Variants in CCZ1B observed in about 807,000 individuals in gnomAD.
The protein encoded by CCZ1B is CCZ1B vacuolar protein trafficking and biogenesis associated, also known as vacuolar fusion protein CCZ1 homolog B.
CCZ1B carries 25 observed loss-of-function variants against 58.8 expected under a neutral mutation model. The ratio of observed to expected loss-of-function variants is 0.43; its 90% CI spans 0.31 to 0.59. The LOEUF is 0.59. Ranked by LOEUF, CCZ1B falls within the 20% of genes least tolerant of loss-of-function variation. The probability of loss-of-function intolerance (pLI) is 0.12; values close to 1 mark genes in which losing one functional copy is unlikely to be tolerated. For missense variants in CCZ1B, 180 were observed against 501.5 expected (o/e 0.36, Z 6.12); for synonymous variants, 66 against 173.2 (o/e 0.38, Z 4.86).
rs1452445228 is a variant in CCZ1B at position 6,819,976 on chromosome 7, T to C, written c.523-35A>G. ...AAAAATAAGGCATAAAATTTACTAA[T>C]AGTACACTGAATATAATGCTCCTTG... On this transcript the variant is annotated intron_variant, in intron 6 of 14. Coordinates refer to ENST00000316731, the MANE Select transcript of CCZ1B (RefSeq NM_198097.5). 12 of 1,582,090 alleles carry C rather than the reference T, an allele frequency of 7.6e-6. 1 individual carries two copies. Among genetic ancestry groups the C allele is most frequent in the South Asian group, 5.6e-5 (5 of 89,604 alleles).
intron 4 of CCZ1B, 131 bp from the exon 5 acceptor site, chr7:6,823,491 G>A (rs1289927501): frequency 1.7e-5 from 21 of 1,268,700 alleles, no homozygotes; most frequent in Middle Eastern, 2.2e-4. Context: ...CAATAGTTGC[G>A]TGCTGAAAAA....
chr7:6,814,880 C>G (rs74889116), intron 7 of CCZ1B, 35 bp from the exon 8 acceptor site: 216,805 of 1,305,856 alleles, frequency 0.17, 24,934 homozygotes, highest in South Asian at 0.35. Flanking sequence ...TTAAACGTTT[C>G]GAACTGTCTT....
At chr7:6,809,416 AC>A (rs1782885559) in intron 10 of CCZ1B, among the ~76,000 whole-genome samples, 1 of 144,380 alleles carries the variant, frequency 6.9e-6, no homozygotes, top group South Asian at 2.2e-4. Context: ...CCATCATCAC[AC>A]CCCACAATAT....
chr7:6,821,111 C>T (rs1038678898), intron 6 of CCZ1B, among the ~76,000 whole-genome samples: 2 of 148,228 alleles, frequency 1.3e-5, no homozygotes, highest in Admixed American at 6.7e-5. Flanking sequence ...GGGGTTCAAG[C>T]GATTCTCCTG....
chr7:6,809,549 T>C lies in CCZ1B; in HGVS notation c.954+2403A>G, dbSNP rs536678086. Among the ~76,000 whole-genome samples the C allele has an allele frequency of 9.7e-3, 1,357 of 140,130 alleles. 59 individuals carry two copies. Among genetic ancestry groups the C allele is most frequent in the African/African-American group, 0.037 (1,280 of 34,224 alleles). The allele number at this position is 140,130 out of a possible 152,430, so 91.9% of individuals were successfully genotyped here. On this transcript the variant is annotated intron_variant, in intron 10 of 14. Transcript: ENST00000316731. ...GGATGATTTTTTTCTTGAGATGGGG[T>C]CTCAAACTTTCACTCGATACACAAA...
At position 6,813,123 on chromosome 7, in the gene CCZ1B, G is replaced by T. The variant is rs1782944382; in HGVS notation, c.781-86C>A. On this transcript the variant is annotated intron_variant, in intron 8 of 14. Transcript: ENST00000316731. ...TGAAAAACAGCATTATCTACTAATT[G>T]GTTCCATGCCATTTGTCTTTTTCTT... The T allele has an allele frequency of 1.6e-5, 16 of 1,025,580 alleles. 1 individual carries two copies. The highest frequency in any genetic ancestry group is 6.9e-5 in the African/African-American group (4 of 57,778). 63.5% of individuals were successfully genotyped at this position (1,025,580 alleles called of 1,614,324 possible).
rs369107255 is a variant in CCZ1B, at chr7:6,824,147, A to G, written c.332T>C (p.Ile111Thr). 4.7e-6 allele frequency: 7 copies of G among 1,476,292 alleles called. No individual in the cohort carries two copies. The African/African-American group carries it at 6.0e-5, about 13-fold the overall frequency. The allele number at this position is 1,476,292 out of a possible 1,614,324, so 91.4% of individuals were successfully genotyped here. A position where few individuals can be genotyped will look rare whatever the true frequency, so the allele number is the denominator to read the frequency against. Residue 111 changes from isoleucine (I) to threonine (T), a missense_variant, in exon 4 of 15, where the codon ATT (isoleucine) becomes ACT (threonine). Coordinates refer to ENST00000316731, the MANE Select transcript of CCZ1B (RefSeq NM_198097.5). ...WMVMVVRNPI[I>T]EKQSKDGKPV... ...TTTTCCATCTTTACTCTGTTTTTCA[A>G]TTATAGGATTCCGAACAACCTACAA...
At chr7:6,825,127 G>A (rs1232095303) in intron 1 of CCZ1B, among the ~76,000 whole-genome samples, 2 of 150,296 alleles carry the variant, frequency 1.3e-5, no homozygotes, top group African/African-American at 2.5e-5. Flanking sequence ...CTTTCCTAGT[G>A]CTAATTTGTA....
intron 4 of CCZ1B, 43 bp from the exon 5 acceptor site, chr7:6,823,403 A>G: frequency 6.2e-7 from 1 of 1,604,350 alleles, no homozygotes; most frequent in Non-Finnish European, 8.5e-7. Context: ...TTCAAGGGAA[A>G]AACAATGTCT....
rs1050191953 is a variant in CCZ1B, at chr7:6,823,487, T to C, written c.391-127A>G. Reference sequence around the variant, plus strand: ...GTTTATAAACTTCATCCCACAATAGTTGCGTGCTGAAAAAAAGTGTTTGCG... The same window carrying C: ...GTTTATAAACTTCATCCCACAATAGCTGCGTGCTGAAAAAAAGTGTTTGCG... On this transcript the variant is annotated intron_variant, in intron 4 of 14. Transcript: ENST00000316731. 19 of 1,351,324 alleles carry C rather than the reference T, an allele frequency of 1.4e-5. No homozygotes were observed. In the Admixed American group the frequency reaches 3.3e-4, roughly 24 times the overall value. The allele number at this position is 1,351,324 out of a possible 1,614,324, so 83.7% of individuals were successfully genotyped here. A position where few individuals can be genotyped will look rare whatever the true frequency, so the allele number is the denominator to read the frequency against.
intron 14 of CCZ1B, 174 bp from the exon 15 acceptor site, chr7:6,799,453 A>T: frequency 3.8e-6 from 1 of 262,804 alleles, no homozygotes; most frequent in African/African-American, 5.2e-5. Context: ...TTTGAGACAG[A>T]GTCTTGCTCT....
intron 8 of CCZ1B, 63 bp from the exon 9 acceptor site, chr7:6,813,100 A>G (rs1212294447): frequency 5.2e-6 from 6 of 1,150,774 alleles, no homozygotes; most frequent in Non-Finnish European, 7.4e-6. Context: ...CCAAGCTTTG[A>G]AAAACAGCAT....
intron 6 of CCZ1B, among the ~76,000 whole-genome samples, chr7:6,820,520 T>C (rs1232231984): frequency 6.7e-6 from 1 of 148,638 alleles, no homozygotes; most frequent in Non-Finnish European, 1.5e-5. Context: ...TCTTGCTATG[T>C]TGCCTAGGCT....
At chr7:6,816,786 T>G (rs1214165259) in intron 7 of CCZ1B, among the ~76,000 whole-genome samples, 1 of 151,774 alleles carries the variant, frequency 6.6e-6, no homozygotes, top group Non-Finnish European at 1.5e-5. Flanking sequence ...AGGGTCTTGC[T>G]CTGTCACCCA....
At chr7:6,821,875 A>G (rs2528318) in intron 6 of CCZ1B, among the ~76,000 whole-genome samples, 1,974 of 144,352 alleles carry the variant, frequency 0.014, 219 homozygotes, top group African/African-American at 0.047. Context: ...ACATCAAGAC[A>G]GTTTACGCCC....
intron 7 of CCZ1B, among the ~76,000 whole-genome samples, chr7:6,816,012 GGAA>G (rs1247723569): frequency 4.1e-5 from 6 of 144,770 alleles, no homozygotes; most frequent in South Asian, 2.3e-4. Flanking sequence ...AGAAAGAGGA[GGAA>G]GAGAAAAACA....
intron 4 of CCZ1B, among the ~76,000 whole-genome samples, 156 bp from the exon 5 acceptor site, chr7:6,823,516 T>TA: frequency 1.6e-5 from 1 of 61,406 alleles, no homozygotes; most frequent in South Asian, 8.0e-4. Context: ...GTTTGCGTTC[T>TA]TTTTTTTTTT....
At position 6,813,183 on chromosome 7, in the gene CCZ1B, G is replaced by C. The variant is rs1782945106; in HGVS notation, c.781-146C>G. 4 of 1,483,294 alleles carry C rather than the reference G, an allele frequency of 2.7e-6. No individual in the cohort carries two copies. The Admixed American group carries it at 5.9e-5, about 22-fold the overall frequency. The allele number at this position is 1,483,294 out of a possible 1,614,324, so 91.9% of individuals were successfully genotyped here. A position where few individuals can be genotyped will look rare whatever the true frequency, so the allele number is the denominator to read the frequency against. ...GGATCTTGTTCTGTTGCCCAGGCTG[G>C]AATGCATGCAGCATGATCATGGCTC... On this transcript the variant is annotated intron_variant, in intron 8 of 14. Coordinates refer to ENST00000316731, the MANE Select transcript of CCZ1B (RefSeq NM_198097.5).
chr7:6,811,520 C>G, intron 10 of CCZ1B: 1 of 192,536 alleles, frequency 5.2e-6, no homozygotes, highest in Non-Finnish European at 1.1e-5. Context: ...AACCTGAGTA[C>G]ATATCCTTAC....
Sources: gnomAD v4.1 joint callset for allele counts (sites outside exome capture counted in the v4.1 genomes callset) on GRCh38, gnomAD v4.1.1 for gene constraint, MANE v1.5 for transcripts, NCBI Gene and HGNC (gene_info 2026-07-23, HGNC 2026-07-21) for gene names.